Variants in TBX15 observed in about 807,000 individuals in gnomAD.
The protein encoded by TBX15 is T-box transcription factor 15.
TBX15 carries 18 observed loss-of-function variants against 53.9 expected under a neutral mutation model. The observed-to-expected ratio is 0.33, with a 90% confidence interval of 0.23 to 0.49. The LOEUF is 0.49. TBX15 is among the 20% of genes least tolerant of loss of function. The pLI, the probability that TBX15 is intolerant of heterozygous loss-of-function variation, is 0.98. For synonymous variants in TBX15, 295 were observed against 278.0 expected (o/e 1.06, Z -0.61); for missense variants, 692 against 749.5 (o/e 0.92, Z 0.90).
intron 7 of TBX15, among the ~76,000 whole-genome samples, chr1:118,893,393 GAAA>G: frequency 7.4e-6 from 1 of 134,602 alleles, no homozygotes; most frequent in Admixed American, 7.4e-5. Flanking sequence ...AAGAAAGAAA[GAAA>G]GAAAGAAAGA....
In TBX15 at chr1:118,926,575, G is replaced by A; in HGVS notation, c.456C>T (p.Gly152=). Residue 152 remains glycine (G), a synonymous_variant, in exon 3 of 8, where the codon GGC becomes GGT. Coordinates refer to ENST00000369429, the MANE Select transcript of TBX15 (RefSeq NM_001330677.2). ...TGTAGTACTGCTGATGTGGATCTAGGCCAGTGATTTTCACTCTCATGGCAG... is the reference window on the plus strand; with the variant it reads ...TGTAGTACTGCTGATGTGGATCTAGACCAGTGATTTTCACTCTCATGGCAG... ...MFPAMRVKIT[G]LDPHQQYYIA... The A allele has an allele frequency of 6.2e-7, 1 of 1,613,918 alleles. No homozygotes were observed. The highest frequency in any genetic ancestry group is 8.5e-7 in the Non-Finnish European group (1 of 1,179,898).
intron 1 of TBX15, among the ~76,000 whole-genome samples, chr1:118,972,262 G>A (rs750275577): frequency 2.0e-5 from 3 of 152,198 alleles, no homozygotes; most frequent in Non-Finnish European, 4.4e-5. Context: ...GCTCTGCATG[G>A]ACACATGTAA....
At chr1:118,888,610 G>A (rs1484999867) in intron 7 of TBX15, among the ~76,000 whole-genome samples, 1 of 152,178 alleles carries the variant, frequency 6.6e-6, no homozygotes, top group East Asian at 1.9e-4. Context: ...GGCACAAATG[G>A]AGAAACCTGA....
At chr1:118,931,289 G>T (rs1428234185) in intron 2 of TBX15, among the ~76,000 whole-genome samples, 1 of 152,210 alleles carries the variant, frequency 6.6e-6, no homozygotes, top group Admixed American at 6.5e-5. Flanking sequence ...CTTCTTGAAA[G>T]TATTTAATGG....
At chr1:118,982,505 T>C (rs990841266) in intron 1 of TBX15, among the ~76,000 whole-genome samples, 4 of 152,318 alleles carry the variant, frequency 2.6e-5, no homozygotes, top group East Asian at 1.9e-4. Flanking sequence ...TGGCCTAATA[T>C]GAGGGTTAAT....
At chr1:118,923,697 G>T (rs1655502736) in intron 4 of TBX15, 94 bp from the exon 5 acceptor site, 1 of 1,457,888 alleles carries the variant, frequency 6.9e-7, no homozygotes, top group Non-Finnish European at 9.6e-7. Flanking sequence ...AAGCACTATA[G>T]GAAAAGCACA....
chr1:118,969,524 T>C (rs903970997), intron 1 of TBX15, among the ~76,000 whole-genome samples: 1 of 152,336 alleles, frequency 6.6e-6, no homozygotes, highest in Admixed American at 6.5e-5. Context: ...GGGTCCTTCA[T>C]GACCTATAAT....
intron 6 of TBX15, among the ~76,000 whole-genome samples, chr1:118,907,490 G>A (rs1654878359): frequency 6.6e-6 from 1 of 152,204 alleles, no homozygotes; most frequent in African/African-American, 2.4e-5. Context: ...ACCCTATCAA[G>A]GATGGCTTGA....
At chr1:118,949,803 A>AT (rs2101653332) in intron 1 of TBX15, among the ~76,000 whole-genome samples, 1 of 152,342 alleles carries the variant, frequency 6.6e-6, no homozygotes, top group East Asian at 1.9e-4. Context: ...AACTGGGAGA[A>AT]AATGGGAGAA....
At chr1:118,908,907 G>A (rs1003888480) in intron 6 of TBX15, among the ~76,000 whole-genome samples, 9 of 141,550 alleles carry the variant, frequency 6.4e-5, no homozygotes, top group Admixed American at 2.8e-4. Context: ...TTACACATAC[G>A]CACACTCAAC....
chr1:118,893,544 AGGAAG>A (rs1654278521), intron 7 of TBX15, among the ~76,000 whole-genome samples: 2 of 132,700 alleles, frequency 1.5e-5, no homozygotes, highest in Admixed American at 7.2e-5. Flanking sequence ...GAAAGATGGA[AGGAAG>A]GAAGGAAGGA....
intron 1 of TBX15, among the ~76,000 whole-genome samples, chr1:118,946,802 CTACT>C (rs1307313066): frequency 1.3e-5 from 2 of 152,114 alleles, no homozygotes; most frequent in Non-Finnish European, 2.9e-5. Flanking sequence ...CCATATTCAC[CTACT>C]TACTTGGGGA....
At chr1:118,930,772 C>A (rs1655756432) in intron 2 of TBX15, among the ~76,000 whole-genome samples, 1 of 152,216 alleles carries the variant, frequency 6.6e-6, no homozygotes, top group Non-Finnish European at 1.5e-5. Context: ...AGAACTACAG[C>A]CATTTCTTCA....
In TBX15 at chr1:118,924,741, G is replaced by T; in HGVS notation, c.598C>A (p.Pro200Thr). The change falls in exon 4 of 8, where the codon CCT (proline) becomes ACT (threonine). Residue 200 changes from proline (P) to threonine (T), a missense_variant. Physicochemically the swap from Pro to Thr is conservative, Grantham distance 38. Transcript: ENST00000369429. ...GTGTCTCCAGAAGCTAGAGAATCAG[G>T]GTGTATATAAACTCTTGGGGGCACA... ...SPVPPRVYIH[P>T]DSLASGDTWM... 6.2e-7 allele frequency: 1 copy of T among 1,613,980 alleles called. No individual in the cohort carries two copies. Among genetic ancestry groups the T allele is most frequent in the South Asian group, 1.1e-5 (1 of 91,056 alleles).
intron 1 of TBX15, among the ~76,000 whole-genome samples, chr1:118,985,045 A>G (rs1307159382): frequency 6.6e-6 from 1 of 152,208 alleles, no homozygotes; most frequent in Non-Finnish European, 1.5e-5. Flanking sequence ...AGAGCGGACT[A>G]AAAAACGGTG....
intron 1 of TBX15, among the ~76,000 whole-genome samples, chr1:118,970,657 C>T (rs571101094): frequency 1.3e-5 from 2 of 152,286 alleles, no homozygotes; most frequent in African/African-American, 4.8e-5. Flanking sequence ...TTTGACAGGA[C>T]CAAAAAGCAC....
chr1:118,924,849 AGACAGAGGCAGAGAAGG>A (rs763081453), intron 3 of TBX15, 32 bp from the exon 4 acceptor site: 1 of 1,613,468 alleles, frequency 6.2e-7, no homozygotes. Context: ...GAAAATTCAG[AGACAGAGGCAGAGAAGG>A]GACAGAGGCC....
At chr1:118,983,287 G>A (rs1657705188) in intron 1 of TBX15, among the ~76,000 whole-genome samples, 1 of 152,176 alleles carries the variant, frequency 6.6e-6, no homozygotes, top group Admixed American at 6.5e-5. Context: ...CATTGCCCTA[G>A]TGCAGTTTGC....
At chr1:118,976,878 C>A (rs1378513201) in intron 1 of TBX15, among the ~76,000 whole-genome samples, 1 of 152,192 alleles carries the variant, frequency 6.6e-6, no homozygotes, top group African/African-American at 2.4e-5. Context: ...GGGAGAGGGG[C>A]AATGGCTGCT....
Sources: allele counts gnomAD v4.1 joint callset (sites outside exome capture counted in the v4.1 genomes callset), GRCh38; gene constraint gnomAD v4.1.1; transcripts MANE v1.5; gene names NCBI Gene and HGNC (gene_info 2026-07-23, HGNC 2026-07-21).